NCLN: variants seen among roughly 807,000 people sequenced by gnomAD.
NCLN encodes nicalin.
Under a neutral mutation model 69.5 loss-of-function variants are expected in NCLN, and 34 were observed. That is an observed-to-expected ratio of 0.49 (90% CI 0.37 to 0.65). The LOEUF (loss-of-function observed/expected upper bound fraction) is 0.65, where lower values mean the gene tolerates loss of function less well. Among genes scored for constraint, NCLN ranks in the 30% least tolerant of loss-of-function variants. The pLI is 0.00. For synonymous variants in NCLN, 393 were observed against 358.3 expected, an observed-to-expected ratio of 1.10 and a Z score of -1.09; for missense variants, 710 against 804.8, an observed-to-expected ratio of 0.88 and a Z score of 1.42.
chr19:3,198,321 A>G (rs2144907603), intron 4 of NCLN, among the ~76,000 whole-genome samples: 1 of 152,170 alleles, frequency 6.6e-6, no homozygotes, highest in South Asian at 2.1e-4. Flanking sequence ...CCTGGCTAAC[A>G]TGATGAAACC....
At position 3,199,994 on chromosome 19, in the gene NCLN, C is replaced by A. The variant is rs1216360412; in HGVS notation, c.696+1097C>A. ...GGATTACAGGCCTGAGCCACCGCAC[C>A]CAGTCCTGCCTCCTTTGAACACAAA... On this transcript the variant is annotated intron_variant, in intron 5 of 14. Transcript: ENST00000246117. Among the ~76,000 whole-genome samples the A allele has an allele frequency of 2.0e-5, 3 of 152,208 alleles. No individual in the cohort carries two copies. The East Asian group carries it at 5.8e-4, about 29-fold the overall frequency.
chr19:3,202,921 A>G lies in NCLN; in HGVS notation c.801-835A>G, dbSNP rs1916164544. Among the ~76,000 whole-genome samples, 3 of 152,012 alleles carry G rather than the reference A, an allele frequency of 2.0e-5. No homozygotes were observed. In the South Asian group the frequency reaches 6.2e-4, roughly 32 times the overall value. The stretch of plus-strand genomic sequence containing the variant: ...CTGGGGCAGAGGGAAACTGGGTTGG[A>G]GAGAGTCCGGGGCAGATGTGGGAAG... On this transcript the variant is annotated intron_variant, in intron 6 of 14. Coordinates refer to ENST00000246117, the MANE Select transcript of NCLN (RefSeq NM_020170.4).
At chr19:3,192,141 T>C (rs1279804283) in intron 1 of NCLN, among the ~76,000 whole-genome samples, 1 of 152,158 alleles carries the variant, frequency 6.6e-6, no homozygotes, top group African/African-American at 2.4e-5. Flanking sequence ...TGAGCCGAGA[T>C]TGTGCTGCTG....
intron 1 of NCLN, among the ~76,000 whole-genome samples, chr19:3,190,329 T>A (rs1915785574): frequency 6.6e-6 from 1 of 152,120 alleles, no homozygotes; most frequent in South Asian, 2.1e-4. Flanking sequence ...GGCTCCTCCA[T>A]CCCAGGCCTC....
chr19:3,199,576 G>T (rs944147187), intron 5 of NCLN, among the ~76,000 whole-genome samples: 30 of 152,134 alleles, frequency 2.0e-4, no homozygotes, highest in South Asian at 4.1e-4. Flanking sequence ...GGGCCCTGCT[G>T]CAGGTTCCTG....
intron 3 of NCLN, 77 bp from the exon 4 acceptor site, chr19:3,196,106 G>C (rs935797206): frequency 6.7e-5 from 72 of 1,068,136 alleles, no homozygotes; most frequent in Admixed American, 2.4e-4. Flanking sequence ...CCCCAACCTG[G>C]GGTGTCAGTG....
chr19:3,196,074 G>A (rs924218387), intron 3 of NCLN, 109 bp from the exon 4 acceptor site: 22 of 620,122 alleles, frequency 3.5e-5, no homozygotes, highest in African/African-American at 2.6e-4. Context: ...CCCCACACCC[G>A]GCTGGTTGGC....
At chr19:3,203,233 G>A (rs1014642254) in intron 6 of NCLN, among the ~76,000 whole-genome samples, 3 of 151,914 alleles carry the variant, frequency 2.0e-5, no homozygotes, top group Non-Finnish European at 4.4e-5. Flanking sequence ...GCTTGAACCC[G>A]GGAGGCAGAG....
rs1025980415 is a variant in NCLN, at chr19:3,206,255, C to T, written c.1336-7C>T. 2 of 1,544,690 alleles carry T rather than the reference C, an allele frequency of 1.3e-6. No homozygotes were observed. The highest frequency in any genetic ancestry group is 1.7e-6 in the Non-Finnish European group (2 of 1,144,962). The stretch of plus-strand genomic sequence containing the variant: ...CCAGGCCATGACTACCACCACCGTC[C>T]CTACAGCAGATCCAGCAGGAGCAGC... On this transcript the variant is annotated splice_region_variant and splice_polypyrimidine_tract_variant and intron_variant, in intron 11 of 14. Transcript: ENST00000246117.
rs1204994068 is a variant in NCLN, at chr19:3,207,692, A to G, written c.*4A>G. The G allele has an allele frequency of 1.2e-6, 2 of 1,611,000 alleles. No individual in the cohort carries two copies. Among genetic ancestry groups the G allele is most frequent in the Admixed American group, 3.3e-5 (2 of 60,014 alleles). ...CGTGAAGGCCAAGACACAGTGACACAGCCACCCCCACAGCCGGAGCCCCCG... is the reference window on the plus strand; with the variant it reads ...CGTGAAGGCCAAGACACAGTGACACGGCCACCCCCACAGCCGGAGCCCCCG... On this transcript the variant is annotated 3_prime_UTR_variant, in exon 15 of 15. Transcript: ENST00000246117.
At chr19:3,194,022 T>C (rs1915897083) in intron 3 of NCLN, among the ~76,000 whole-genome samples, 1 of 152,110 alleles carries the variant, frequency 6.6e-6, no homozygotes, top group Non-Finnish European at 1.5e-5. Context: ...CATCAGCTAC[T>C]GGGGGAGCAG....
In NCLN at chr19:3,186,126, G is replaced by A. The variant is rs972868815; in HGVS notation, c.96G>A (p.Leu32=). 6.3e-7 allele frequency: 1 copy of A among 1,597,762 alleles called. No homozygotes were observed. The highest frequency in any genetic ancestry group is 1.7e-5 in the Admixed American group (1 of 58,880). Residue 32 remains leucine, a synonymous_variant, in exon 1 of 15, where the codon CTG becomes CTA. Coordinates refer to ENST00000246117, the MANE Select transcript of NCLN (RefSeq NM_020170.4). ...FIVFLPAVLL[L]VAPPLPAADA... is the part of the protein sequence containing the mutation. The stretch of plus-strand genomic sequence containing the variant: ...TCTTCCTGCCCGCTGTGCTGCTGCT[G>A]GTGGCGCCGCCGCTGCCTGCCGCCG...
intron 1 of NCLN, among the ~76,000 whole-genome samples, chr19:3,189,922 T>C (rs1196114237): frequency 6.6e-6 from 1 of 152,212 alleles, no homozygotes; most frequent in Non-Finnish European, 1.5e-5. Context: ...TGGGAGGCCG[T>C]GGCCTTCAGG....
intron 1 of NCLN, among the ~76,000 whole-genome samples, chr19:3,189,952 C>A (rs2144894777): frequency 6.6e-6 from 1 of 152,344 alleles, no homozygotes; most frequent in South Asian, 2.1e-4. Flanking sequence ...GTGCTGGTGT[C>A]CCCCTCCGTT....
At chr19:3,192,802 T>C in intron 2 of NCLN, 142 bp downstream of exon 2, 1 of 805,342 alleles carries the variant, frequency 1.2e-6, no homozygotes, top group Non-Finnish European at 1.8e-6. Flanking sequence ...TCCATTGATC[T>C]CCAAGGGGTG....
chr19:3,202,599 C>T (rs1372869076), intron 6 of NCLN, among the ~76,000 whole-genome samples: 3 of 152,206 alleles, frequency 2.0e-5, no homozygotes, highest in African/African-American at 7.2e-5. Context: ...TGAGACGTTT[C>T]TCAGCCTTCT....
chr19:3,192,117 G>A (rs1915841017), intron 1 of NCLN, among the ~76,000 whole-genome samples: 1 of 152,220 alleles, frequency 6.6e-6, no homozygotes, highest in South Asian at 2.1e-4. Context: ...GAACCCGGGA[G>A]GTGGAGGCTG....
chr19:3,190,414 C>T (rs1025703468), intron 1 of NCLN, among the ~76,000 whole-genome samples: 1 of 152,210 alleles, frequency 6.6e-6, no homozygotes, highest in East Asian at 1.9e-4. Context: ...ACCTGTGTCC[C>T]GCCTGTCCCC....
Position 3,185,981 on chromosome 19 carries a change from C to CCGCCGT in NCLN, c.-48_-43dup. The CCGCCGT allele has an allele frequency of 7.2e-7, 1 of 1,389,484 alleles. No homozygotes were observed. Among genetic ancestry groups the CCGCCGT allele is most frequent in the African/African-American group, 1.5e-5 (1 of 65,448 alleles). 86.1% of individuals were successfully genotyped at this position (1,389,484 alleles called of 1,614,324 possible). A position where few individuals can be genotyped will look rare whatever the true frequency, so the allele number is the denominator to read the frequency against. On this transcript the variant is annotated 5_prime_UTR_variant, in exon 1 of 15. Transcript: ENST00000246117. ...GGTGAGTCCGCGGGAGCCGCCGCCG[C>CCGCCGT]CGCCGTCCCGTCCCAGCTGCCGCCC... is the stretch of plus-strand genomic sequence containing the variant.
Sources: gnomAD v4.1 joint callset for allele counts (sites outside exome capture counted in the v4.1 genomes callset) on GRCh38, gnomAD v4.1.1 for gene constraint, MANE v1.5 for transcripts, NCBI Gene and HGNC (gene_info 2026-07-23, HGNC 2026-07-21) for gene names.